Variants in MASP1 observed in about 807,000 individuals in gnomAD.
MASP1 encodes the protein mannan-binding lectin serine protease 1.
Under a neutral mutation model 77.1 loss-of-function variants are expected in MASP1, and 59 were observed. The ratio of observed to expected loss-of-function variants is 0.77; its 90% CI spans 0.62 to 0.95. The LOEUF is 0.95. Among genes scored for constraint, MASP1 ranks in the 40% least tolerant of loss-of-function variants. The pLI is 0.00. For missense variants in MASP1, 885 were observed against 912.9 expected (o/e 0.97, Z 0.39); for synonymous variants, 362 against 354.5 (o/e 1.02, Z -0.24).
At position 187,243,487 on chromosome 3, in the gene MASP1, T is replaced by G. The variant is rs1429531110; in HGVS notation, c.1225A>C (p.Thr409Pro). 6.2e-7 allele frequency: 1 copy of G among 1,614,020 alleles called. No homozygotes were observed. Among genetic ancestry groups the G allele is most frequent in the Non-Finnish European group, 8.5e-7 (1 of 1,179,976 alleles). Residue 409 changes from threonine (T) to proline (P), a missense_variant, in exon 9 of 11, where the codon ACA becomes CCA. Physicochemically the swap from Thr to Pro is conservative, Grantham distance 38. Transcript: ENST00000296280. ...EPYYKMLNNNTGIYTCSAQGV... is the reference protein window; with the variant it reads ...EPYYKMLNNNPGIYTCSAQGV... ...TGGCTTAGCATGGATGGCTTACCTG[T>G]GTTATTGTTGAGCATCTTGTAATAG...
In MASP1 at chr3:187,267,178, G is replaced by A. The variant is rs560221191; in HGVS notation, c.238-4458C>T. The stretch of plus-strand genomic sequence containing the variant: ...TGAATCTAGTGAGTGGTGGATCCAG[G>A]TCCACAATTGCAGCATCCTGATTCC... On this transcript the variant is annotated intron_variant, in intron 2 of 10. Coordinates refer to ENST00000296280, the MANE Select transcript of MASP1 (RefSeq NM_139125.4). 2.0e-5 allele frequency among the ~76,000 whole-genome samples: 3 copies of A among 152,290 alleles called. No homozygotes were observed. In the South Asian group the frequency reaches 6.2e-4, roughly 32 times the overall value.
chr3:187,220,212 C>G, exon 16 of MASP1: 2 of 1,614,184 alleles, frequency 1.2e-6, no homozygotes, highest in Non-Finnish European at 1.7e-6. Context: ...TTTCTCTATT[C>G]AGGGTCACCA....
chr3:187,226,473 C>A (rs140271320), exon 12 of MASP1: 5 of 1,612,948 alleles, frequency 3.1e-6, no homozygotes, highest in Non-Finnish European at 4.2e-6. Flanking sequence ...TCTTCCGGAT[C>A]GAGTGACTGG....
intron 2 of MASP1, among the ~76,000 whole-genome samples, chr3:187,281,327 C>T (rs534792568): frequency 2.0e-5 from 3 of 146,366 alleles, no homozygotes; most frequent in African/African-American, 7.7e-5. Flanking sequence ...ATCATCATCG[C>T]CCCTATGGGC....
chr3:187,227,062 C>T lies in MASP1; in HGVS notation c.1442-542G>A, dbSNP rs186162569. Among the ~76,000 whole-genome samples, 267 of 152,306 alleles carry T rather than the reference C, an allele frequency of 1.8e-3. 2 individuals are homozygous for T. The highest frequency in any genetic ancestry group is 1.2e-3 in the Non-Finnish European group (84 of 68,024). On this transcript the variant is annotated intron_variant, in intron 11 of 15. Transcript: ENST00000337774. ...TCCGAAGCTACCTACACTGGCTGCACGTTAGAATTACCTGGTGAATGAAAA... is the reference window on the plus strand; with the variant it reads ...TCCGAAGCTACCTACACTGGCTGCATGTTAGAATTACCTGGTGAATGAAAA...
chr3:187,234,088 T>C lies in MASP1; in HGVS notation c.*1596A>G. The C allele has an allele frequency of 7.9e-7, 1 of 1,268,538 alleles. No homozygotes were observed. Among genetic ancestry groups the C allele is most frequent in the Non-Finnish European group, 1.0e-6 (1 of 977,682 alleles). The allele number at this position is 1,268,538 out of a possible 1,614,324, so 78.6% of individuals were successfully genotyped here. On this transcript the variant is annotated 3_prime_UTR_variant, in exon 11 of 11. Coordinates refer to ENST00000296280, the MANE Select transcript of MASP1 (RefSeq NM_139125.4). The stretch of plus-strand genomic sequence containing the variant: ...AAAACCCATAAGCCAAGGCTGTTGG[T>C]TATCCACGAGGGTTTATTTCCACTT...
chr3:187,287,071 A>G (rs1579596562), intron 1 of MASP1, among the ~76,000 whole-genome samples: 1 of 152,176 alleles, frequency 6.6e-6, no homozygotes, highest in South Asian at 2.1e-4. Context: ...GCTTATTGCT[A>G]TAGCATCCTA....
Position 187,285,848 on chromosome 3 carries a change from G to C in MASP1, c.214C>G (p.Leu72Val), listed in dbSNP as rs1275036741. ...ACCTTCACATAGTCATATTCACAAA[G>C]GTAGGAGGATTCCAAGTTGAAGTGC... ...FMHFNLESSYLCEYDYVKVET... is the reference protein window; with the variant it reads ...FMHFNLESSYVCEYDYVKVET... Residue 72 changes from leucine (L) to valine (V), a missense_variant, in exon 2 of 11, where the codon CTT becomes GTT. By Grantham distance (32) the Leu-to-Val change is conservative. Coordinates refer to ENST00000296280, the MANE Select transcript of MASP1 (RefSeq NM_139125.4). 1.2e-6 allele frequency: 2 copies of C among 1,614,004 alleles called. No individual in the cohort carries two copies. Among genetic ancestry groups the C allele is most frequent in the Admixed American group, 3.3e-5 (2 of 60,010 alleles).
At chr3:187,277,381 G>A (rs970096961) in intron 2 of MASP1, among the ~76,000 whole-genome samples, 2 of 152,052 alleles carry the variant, frequency 1.3e-5, no homozygotes, top group Non-Finnish European at 2.9e-5. Context: ...GATGATACAA[G>A]CACTTGCAGA....
rs532871559 is a variant in MASP1, at chr3:187,246,566, C to A, written c.1091-2945G>T. On this transcript the variant is annotated intron_variant, in intron 8 of 10. Coordinates refer to ENST00000296280, the MANE Select transcript of MASP1 (RefSeq NM_139125.4). ...TGACATGTGTGTCCAGATGTTCAGA[C>A]GGAAGCAGAGATTCCAGCTGCCACT... 1.4e-4 allele frequency: 140 copies of A among 985,624 alleles called. No homozygotes were observed. The African/African-American group carries it at 2.3e-3, about 16-fold the overall frequency. The allele number at this position is 985,624 out of a possible 1,614,324, so 61.1% of individuals were successfully genotyped here. A position where few individuals can be genotyped will look rare whatever the true frequency, so the allele number is the denominator to read the frequency against.
Position 187,274,988 on chromosome 3 carries a change from T to A in MASP1, c.237+10837A>T, listed in dbSNP as rs868632300. Reference sequence around the variant, plus strand: ...TGGGGGGTGGGGTGGGAGGGAAGAGTCTGGAATTGTGTCTGGGAGGGAGAG... The same window carrying A: ...TGGGGGGTGGGGTGGGAGGGAAGAGACTGGAATTGTGTCTGGGAGGGAGAG... On this transcript the variant is annotated intron_variant, in intron 2 of 10. Coordinates refer to ENST00000296280, the MANE Select transcript of MASP1 (RefSeq NM_139125.4). 2.0e-5 allele frequency among the ~76,000 whole-genome samples: 3 copies of A among 150,860 alleles called. 1 individual carries two copies. The highest frequency in any genetic ancestry group is 7.3e-5 in the African/African-American group (3 of 41,052).
chr3:187,235,667 C>T lies in MASP1; in HGVS notation c.*17G>A, dbSNP rs374214793. 4.5e-5 allele frequency: 73 copies of T among 1,613,714 alleles called. No homozygotes were observed. The African/African-American group carries it at 7.1e-4, about 16-fold the overall frequency. On this transcript the variant is annotated 3_prime_UTR_variant, in exon 11 of 11. Coordinates refer to ENST00000296280, the MANE Select transcript of MASP1 (RefSeq NM_139125.4). ...AGCTTCGCTCAGGGGAGGCAGGCCC[C>T]GAGGAAGTAAGTCAGCTCACCGTTC...
At chr3:187,281,568 A>G (rs1717413387) in intron 2 of MASP1, among the ~76,000 whole-genome samples, 1 of 152,220 alleles carries the variant, frequency 6.6e-6, no homozygotes. Flanking sequence ...GTGATGACAT[A>G]CCACCAAGGC....
chr3:187,274,825 G>C (rs1560030874), intron 2 of MASP1, among the ~76,000 whole-genome samples: 1 of 152,172 alleles, frequency 6.6e-6, no homozygotes, highest in Non-Finnish European at 1.5e-5. Flanking sequence ...TCTCGGGAGG[G>C]CTCTGGACAG....
At chr3:187,230,230 C>A (rs915133663), downstream of MASP1, among the ~76,000 whole-genome samples, 2 of 152,166 alleles carry the variant, frequency 1.3e-5, no homozygotes, top group African/African-American at 4.8e-5. Flanking sequence ...TTGAGAATTT[C>A]GCTAAACATA....
chr3:187,283,230 G>A (rs1307373707), intron 2 of MASP1, among the ~76,000 whole-genome samples: 1 of 152,200 alleles, frequency 6.6e-6, no homozygotes, highest in African/African-American at 2.4e-5. Flanking sequence ...CTCTAGCCAA[G>A]AAAGTCAAGC....
exon 16 of MASP1, chr3:187,217,622 T>C (rs1183106895): frequency 2.0e-5 from 3 of 152,110 alleles, no homozygotes; most frequent in African/African-American, 7.2e-5. Flanking sequence ...AAGAATGAGG[T>C]CGCGAAGTTA....
At chr3:187,227,975 C>A (rs1289025866) in intron 11 of MASP1, among the ~76,000 whole-genome samples, 1 of 152,156 alleles carries the variant, frequency 6.6e-6, no homozygotes, top group Non-Finnish European at 1.5e-5. Context: ...CTCTTTAAGA[C>A]TGAATGACAG....
chr3:187,289,909 C>T (rs1193053992), intron 1 of MASP1, among the ~76,000 whole-genome samples: 3 of 152,186 alleles, frequency 2.0e-5, no homozygotes, highest in Non-Finnish European at 4.4e-5. Context: ...AGACAGTGCT[C>T]TTGAAAGTGC....
Sources: gnomAD v4.1 joint callset for allele counts (sites outside exome capture counted in the v4.1 genomes callset) on GRCh38, gnomAD v4.1.1 for gene constraint, MANE v1.5 for transcripts, NCBI Gene and HGNC (gene_info 2026-07-23, HGNC 2026-07-21) for gene names.